DUSP10: variants seen among roughly 807,000 people sequenced by gnomAD.
DUSP10 encodes the protein dual specificity protein phosphatase 10.
DUSP10 carries 14 observed loss-of-function variants against 30.8 expected under a neutral mutation model. The ratio of observed to expected loss-of-function variants is 0.46; its 90% CI spans 0.30 to 0.71. The LOEUF is 0.71. DUSP10 is among the 30% of genes least tolerant of loss of function. DUSP10 has a pLI of 0.08. For missense variants in DUSP10, 550 were observed against 619.4 expected, an observed-to-expected ratio of 0.89 and a Z score of 1.19; for synonymous variants, 254 against 250.4, an observed-to-expected ratio of 1.01 and a Z score of -0.14.
chr1:221,727,866 T>TG (rs1412953913), intron 2 of DUSP10, among the ~76,000 whole-genome samples: 2 of 152,194 alleles, frequency 1.3e-5, no homozygotes, highest in Non-Finnish European at 2.9e-5. Context: ...CCTGAGTGTT[T>TG]GGGGTGACCT....
chr1:221,728,523 G>A (rs1218097340), intron 2 of DUSP10, among the ~76,000 whole-genome samples: 1 of 152,178 alleles, frequency 6.6e-6, no homozygotes, highest in Non-Finnish European at 1.5e-5. Context: ...ACAGAGATAA[G>A]AAAGATTAGG....
At chr1:221,721,238 G>T (rs1000229541) in intron 2 of DUSP10, among the ~76,000 whole-genome samples, 3 of 152,214 alleles carry the variant, frequency 2.0e-5, no homozygotes, top group Non-Finnish European at 2.9e-5. Flanking sequence ...ACACTGGAAT[G>T]AGATGAGATA....
chr1:221,733,490 G>A (rs1405167421), intron 2 of DUSP10, among the ~76,000 whole-genome samples: 1 of 152,236 alleles, frequency 6.6e-6, no homozygotes, highest in Non-Finnish European at 1.5e-5. Context: ...GAATTGGTAA[G>A]GGCAAGAGTA....
At chr1:221,705,673 A>T (rs1456329044) in intron 3 of DUSP10, among the ~76,000 whole-genome samples, 1 of 152,170 alleles carries the variant, frequency 6.6e-6, no homozygotes, top group Non-Finnish European at 1.5e-5. Flanking sequence ...TATGTTTGGA[A>T]GGGGTGTCAT....
At position 221,739,337 on chromosome 1, in the gene DUSP10, A is replaced by G. The variant is rs371182562; in HGVS notation, c.408T>C (p.Pro136=). ...SLSPSSGVGS[P]VSGTPKQLAS... is the part of the protein sequence containing the mutation. ...CTAGCTGCTTGGGGGTCCCTGACAC[A>G]GGGCTGCCCACCCCACTTGATGGAC... The change falls in exon 2 of 4, where the codon CCT becomes CCC. Residue 136 remains proline (P), a synonymous_variant. Transcript: ENST00000366899. 35 of 1,613,930 alleles carry G rather than the reference A, an allele frequency of 2.2e-5. No individual in the cohort carries two copies. Among genetic ancestry groups the G allele is most frequent in the Non-Finnish European group, 2.8e-5 (33 of 1,179,946 alleles).
chr1:221,733,540 G>A (rs943548272), intron 2 of DUSP10, among the ~76,000 whole-genome samples: 1 of 152,186 alleles, frequency 6.6e-6, no homozygotes, highest in Non-Finnish European at 1.5e-5. Context: ...TGCTTAGAAC[G>A]ACTTGCCCAT....
chr1:221,739,557 G>A lies in DUSP10; in HGVS notation c.188C>T (p.Ser63Leu). 6.2e-7 allele frequency: 1 copy of A among 1,614,206 alleles called. No homozygotes were observed. Among genetic ancestry groups the A allele is most frequent in the Non-Finnish European group, 8.5e-7 (1 of 1,180,040 alleles). Residue 63 changes from serine (S) to leucine (L), a missense_variant, in exon 2 of 4, where the codon TCA becomes TTA. Coordinates refer to ENST00000366899, the MANE Select transcript of DUSP10 (RefSeq NM_007207.6). Reference sequence around the variant, plus strand: ...CAGCGAGCGGGCAGAGCCGCTGGATGAGGGCATATACGTCAGATTCGCAGC... The same window carrying A: ...CAGCGAGCGGGCAGAGCCGCTGGATAAGGGCATATACGTCAGATTCGCAGC... ...LKAANLTYMP[S>L]SSGSARSLNC...
chr1:221,704,025 G>A (rs1293083199), intron 3 of DUSP10, among the ~76,000 whole-genome samples: 3 of 152,190 alleles, frequency 2.0e-5, no homozygotes, highest in African/African-American at 7.2e-5. Flanking sequence ...GCATGGTGGT[G>A]AGAGAATGAG....
At chr1:221,733,208 C>T (rs530167155) in intron 2 of DUSP10, among the ~76,000 whole-genome samples, 85 of 152,258 alleles carry the variant, frequency 5.6e-4, no homozygotes, top group Non-Finnish European at 2.1e-4. Context: ...GAGTATGTGA[C>T]GGAAAGTTTT....
In DUSP10 at chr1:221,739,246, G is replaced by A. The variant is rs1487561130; in HGVS notation, c.499C>T (p.Leu167=). 2 of 1,614,202 alleles carry A rather than the reference G, an allele frequency of 1.2e-6. No individual in the cohort carries two copies. The change falls in exon 2 of 4, where the codon CTG becomes TTG. Residue 167 remains leucine (L), a synonymous_variant. Transcript: ENST00000366899. ...KKMTKCSKSH[L]PSQGPVIIDC... ...ATGATGACAGGGCCCTGACTCGGCA[G>A]GTGACTCTTGCTGCATTTGGTCATC...
At chr1:221,704,507 A>G (rs1660700462) in intron 3 of DUSP10, among the ~76,000 whole-genome samples, 1 of 152,240 alleles carries the variant, frequency 6.6e-6, no homozygotes, top group African/African-American at 2.4e-5. Flanking sequence ...TGTATCAACC[A>G]GAAGTTCCTC....
chr1:221,713,398 A>G (rs1661002626), intron 2 of DUSP10, among the ~76,000 whole-genome samples: 1 of 152,174 alleles, frequency 6.6e-6, no homozygotes, highest in Admixed American at 6.5e-5. Flanking sequence ...GATTTTCAGA[A>G]GCCTTGAAAA....
At chr1:221,736,918 G>A in intron 2 of DUSP10, 2 of 985,448 alleles carry the variant, frequency 2.0e-6, no homozygotes, top group Non-Finnish European at 2.4e-6. Flanking sequence ...CCTCGCAGTG[G>A]CTGCCCAGGG....
At chr1:221,735,915 C>G (rs1313282674) in intron 2 of DUSP10, among the ~76,000 whole-genome samples, 3 of 152,100 alleles carry the variant, frequency 2.0e-5, no homozygotes, top group Admixed American at 6.5e-5. Flanking sequence ...TTGAGTAAAA[C>G]AATATAATTC....
chr1:221,730,596 T>C (rs1015791307), intron 2 of DUSP10, among the ~76,000 whole-genome samples: 2 of 152,220 alleles, frequency 1.3e-5, no homozygotes, highest in Admixed American at 6.5e-5. Flanking sequence ...TGCAGATAAT[T>C]TGATGCATCC....
At chr1:221,717,586 T>C (rs1247101691) in intron 2 of DUSP10, among the ~76,000 whole-genome samples, 1 of 152,182 alleles carries the variant, frequency 6.6e-6, no homozygotes, top group Non-Finnish European at 1.5e-5. Flanking sequence ...TGTGGACTGA[T>C]TGTATCTCTC....
At chr1:221,719,269 G>T (rs1312665686) in intron 2 of DUSP10, among the ~76,000 whole-genome samples, 1 of 152,208 alleles carries the variant, frequency 6.6e-6, no homozygotes, top group Non-Finnish European at 1.5e-5. Context: ...CACTGAGCTG[G>T]ATTCTATGTT....
intron 2 of DUSP10, among the ~76,000 whole-genome samples, chr1:221,710,259 C>A (rs1447516768): frequency 6.6e-6 from 1 of 151,812 alleles, no homozygotes; most frequent in African/African-American, 2.4e-5. Flanking sequence ...GCCCTAAGTG[C>A]AGTGCAGTGA....
At chr1:221,717,626 C>T (rs1057311623) in intron 2 of DUSP10, among the ~76,000 whole-genome samples, 2 of 152,138 alleles carry the variant, frequency 1.3e-5, no homozygotes, top group Non-Finnish European at 2.9e-5. Flanking sequence ...CACACAAATT[C>T]GTATGCTGAA....
Sources: allele counts gnomAD v4.1 joint callset (sites outside exome capture counted in the v4.1 genomes callset), GRCh38; gene constraint gnomAD v4.1.1; transcripts MANE v1.5; gene names NCBI Gene and HGNC (gene_info 2026-07-23, HGNC 2026-07-21).